The following KLKB1 variants were observed in gnomAD, a reference collection of about 807,000 sequenced individuals.
KLKB1 encodes kallikrein B1, also known as plasma kallikrein.
KLKB1 carries 58 observed loss-of-function variants against 73.6 expected under a neutral mutation model. The observed-to-expected ratio is 0.79, with a 90% CI of 0.64 to 0.98. KLKB1 has a LOEUF of 0.98. KLKB1 is among the 50% of genes least tolerant of loss of function. The probability of loss-of-function intolerance (pLI) is 0.00; values close to 1 mark genes in which losing one functional copy is unlikely to be tolerated. For synonymous variants in KLKB1, 280 were observed against 258.1 expected, an observed-to-expected ratio of 1.08 and a Z score of -0.81; for missense variants, 737 against 763.8, an observed-to-expected ratio of 0.96 and a Z score of 0.41.
At chr4:186,224,256 C>A (rs1340731738), upstream of KLKB1, among the ~76,000 whole-genome samples, 2 of 152,210 alleles carry the variant, frequency 1.3e-5, no homozygotes, top group African/African-American at 4.8e-5. Flanking sequence ...GGGGTTGGAG[C>A]CCACACACAG....
rs1313226492 is a variant in KLKB1, at chr4:186,215,558, C to CATTT, written c.201+6309_201+6312dup. Among the ~76,000 whole-genome samples the CATTT allele has an allele frequency of 4.0e-4, 61 of 151,788 alleles. 1 individual carries two copies. Among genetic ancestry groups the CATTT allele is most frequent in the African/African-American group, 9.9e-4 (41 of 41,360 alleles). On this transcript the variant is annotated intron_variant, in intron 2 of 14. Coordinates refer to the KLKB1 transcript ENST00000511608. ...CTTATGGAAATACAGTAAATTAAGACATTTATTTATTTATTTATTTATTTA... is the reference window on the plus strand; with the variant it reads ...CTTATGGAAATACAGTAAATTAAGACATTTATTTATTTATTTATTTATTTATTTA...
At chr4:186,256,862 G>C (rs1030904907) in intron 13 of KLKB1, among the ~76,000 whole-genome samples, 3 of 152,152 alleles carry the variant, frequency 2.0e-5, no homozygotes, top group African/African-American at 7.2e-5. Context: ...CTACTGAGAT[G>C]AGGGGATGGC....
intron 6 of KLKB1, 81 bp from the exon 7 acceptor site, chr4:186,250,162 C>T (rs1738587225): frequency 7.9e-7 from 1 of 1,263,830 alleles, no homozygotes; most frequent in African/African-American, 1.5e-5. Flanking sequence ...GTCACAATTT[C>T]CTTAACTATG....
Position 186,232,269 on chromosome 4 carries a change from A to G in KLKB1, c.201A>G (p.Ser67=), listed in dbSNP as rs1224258782. The G allele has an allele frequency of 6.2e-7, 1 of 1,614,108 alleles. No homozygotes were observed. The part of the protein sequence containing the change: ...CLLFSFLPAS[S]INDMEKRFGC... ...TATTCAGTTTTCTTCCAGCAAGTTC[A>G]ATCAATGACATGGAGAAAAGGTAAA... Residue 67 remains serine (S), a synonymous_variant, in exon 3 of 15, where the codon TCA becomes TCG. Transcript: ENST00000264690.
chr4:186,235,703 G>A (rs1166317424), intron 4 of KLKB1, among the ~76,000 whole-genome samples: 2 of 152,158 alleles, frequency 1.3e-5, no homozygotes, highest in South Asian at 2.1e-4. Flanking sequence ...GGTATCTGTA[G>A]TAGATTATGG....
At position 186,232,203 on chromosome 4, in the gene KLKB1, A is replaced by G. The variant is rs528518519; in HGVS notation, c.135A>G (p.Gln45=). 3.0e-5 allele frequency: 48 copies of G among 1,614,016 alleles called. No individual in the cohort carries two copies. The South Asian group carries it at 4.5e-4, about 15-fold the overall frequency. ...DVASMYTPNA[Q]YCQMRCTFHP... ...CTTCCATGTACACCCCAAATGCCCA[A>G]TACTGCCAGATGAGGTGCACATTCC... The change falls in exon 3 of 15, where the codon CAA becomes CAG. Residue 45 remains glutamine (Q), a synonymous_variant. Coordinates refer to ENST00000264690, the MANE Select transcript of KLKB1 (RefSeq NM_000892.5).
intron 2 of KLKB1, chr4:186,212,800 G>T (rs1325490365): frequency 1.3e-5 from 2 of 152,174 alleles, no homozygotes; most frequent in African/African-American, 2.4e-5. Flanking sequence ...TTTAAGACAG[G>T]GGCGGTCTCA....
rs1402408736 is a variant in KLKB1, at chr4:186,245,824, G to GTT, written c.599-4408_599-4407dup. Reference sequence around the variant, plus strand: ...GGAGTTTTTTTTTGTTTGTTTTTTGGTTTTTTTTTTTTAATGTCAGGAGCT... The same window carrying GTT: ...GGAGTTTTTTTTTGTTTGTTTTTTGGTTTTTTTTTTTTTTAATGTCAGGAGCT... On this transcript the variant is annotated intron_variant, in intron 6 of 14. Transcript: ENST00000264690. Among the ~76,000 whole-genome samples, 453 of 110,032 alleles carry GTT rather than the reference G, an allele frequency of 4.1e-3. 17 individuals are homozygous for GTT. Among genetic ancestry groups the GTT allele is most frequent in the African/African-American group, 0.013 (429 of 33,002 alleles). The allele number at this position is 110,032 out of a possible 152,430, so 72.2% of individuals were successfully genotyped here.
At chr4:186,219,180 A>T (rs180771221) in intron 2 of KLKB1, among the ~76,000 whole-genome samples, 12 of 152,038 alleles carry the variant, frequency 7.9e-5, no homozygotes, top group African/African-American at 2.7e-4. Context: ...TCTCCCAGTC[A>T]ACTGACTCAA....
At chr4:186,236,496 C>T (rs1008741934) in intron 4 of KLKB1, among the ~76,000 whole-genome samples, 2 of 152,154 alleles carry the variant, frequency 1.3e-5, no homozygotes, top group Admixed American at 1.3e-4. Flanking sequence ...TTGATAATTT[C>T]AACGTGAAAT....
intron 12 of KLKB1, 26 bp downstream of exon 12, chr4:186,254,789 A>T (rs1738896892): frequency 6.3e-7 from 1 of 1,588,648 alleles, no homozygotes; most frequent in Middle Eastern, 1.7e-4. Context: ...AAGAAGGTGG[A>T]GAGCAGAATT....
At chr4:186,229,234 T>C (rs1366324921) in intron 2 of KLKB1, among the ~76,000 whole-genome samples, 1 of 152,288 alleles carries the variant, frequency 6.6e-6, no homozygotes, top group East Asian at 1.9e-4. Context: ...GCAAAATAAA[T>C]CATGATTATG....
At chr4:186,256,247 T>G (rs112405944) in intron 13 of KLKB1, among the ~76,000 whole-genome samples, 160 bp downstream of exon 13, 29 of 152,110 alleles carry the variant, frequency 1.9e-4, no homozygotes, top group African/African-American at 7.0e-4. Context: ...TCTTAAAAAA[T>G]GTATTTTTGC....
chr4:186,248,944 T>G (rs1738528566), intron 6 of KLKB1, among the ~76,000 whole-genome samples: 1 of 152,240 alleles, frequency 6.6e-6, no homozygotes, highest in Non-Finnish European at 1.5e-5. Context: ...TATCTTTTCG[T>G]GTGCTCATTT....
Position 186,258,067 on chromosome 4 carries a change from G to T in KLKB1, c.1772G>T (p.Arg591Leu). ...GTTTGCAAACACAATGGAATGTGGC[G>T]TTTGGTGGGCATCACCAGCTGGGGT... is the stretch of plus-strand genomic sequence containing the variant. ...PLVCKHNGMW[R>L]LVGITSWGEG... Residue 591 changes from arginine (R) to leucine (L), a missense_variant, in exon 15 of 15, where the codon CGT (arginine) becomes CTT (leucine). Transcript: ENST00000264690. 6.2e-7 allele frequency: 1 copy of T among 1,614,104 alleles called. No individual in the cohort carries two copies.
At position 186,254,528 on chromosome 4, in the gene KLKB1, G is replaced by A. The variant is rs1029693334; in HGVS notation, c.1314-60G>A. On this transcript the variant is annotated intron_variant, in intron 11 of 14. Transcript: ENST00000264690. Reference sequence around the variant, plus strand: ...CTTTGAAAGAGAGTGATAGGAAAAAGGAACACTATTGAAGGAAGGACTGCC... The same window carrying A: ...CTTTGAAAGAGAGTGATAGGAAAAAAGAACACTATTGAAGGAAGGACTGCC... The A allele has an allele frequency of 3.0e-6, 4 of 1,342,690 alleles. No homozygotes were observed. The African/African-American group carries it at 5.7e-5, about 19-fold the overall frequency. The allele number at this position is 1,342,690 out of a possible 1,614,324, so 83.2% of individuals were successfully genotyped here.
At chr4:186,229,579 T>A (rs763531908) in intron 2 of KLKB1, among the ~76,000 whole-genome samples, 9 of 152,186 alleles carry the variant, frequency 5.9e-5, no homozygotes, top group African/African-American at 9.7e-5. Flanking sequence ...AAATACTAGA[T>A]TCAAAGGTGT....
rs771835080 is a variant in KLKB1 at position 186,236,800 on chromosome 4, T to C, written c.348T>C (p.Tyr116=). 83 of 1,613,946 alleles carry C rather than the reference T, an allele frequency of 5.1e-5. No homozygotes were observed. The highest frequency in any genetic ancestry group is 6.9e-5 in the Non-Finnish European group (82 of 1,179,970). The change falls in exon 5 of 15, where the codon TAT becomes TAC. Residue 116 remains tyrosine (Y), a synonymous_variant. Coordinates refer to ENST00000264690, the MANE Select transcript of KLKB1 (RefSeq NM_000892.5). The part of the protein sequence containing the change: ...HQISACHRDI[Y]KGVDMRGVNF... ...GTACAGCTTGCCATCGAGACATTTA[T>C]AAAGGAGTTGATATGAGAGGAGTCA...
chr4:186,243,320 CA>C (rs1461746305), intron 6 of KLKB1, among the ~76,000 whole-genome samples: 2 of 152,002 alleles, frequency 1.3e-5, no homozygotes, highest in Non-Finnish European at 2.9e-5. Context: ...GAAATGATGA[CA>C]GAATAGAATG....
Sources: gnomAD v4.1 joint callset for allele counts (sites outside exome capture counted in the v4.1 genomes callset) on GRCh38, gnomAD v4.1.1 for gene constraint, MANE v1.5 for transcripts, NCBI Gene and HGNC (gene_info 2026-07-23, HGNC 2026-07-21) for gene names.